The following CRNKL1 variants were observed in gnomAD, a reference collection of about 807,000 sequenced individuals.
The protein encoded by CRNKL1 is crooked neck pre-mRNA splicing factor 1, also known as crooked neck-like protein 1.
CRNKL1 carries 35 observed loss-of-function variants against 103.7 expected under a neutral mutation model. The ratio of observed to expected loss-of-function variants is 0.34; its 90% CI spans 0.26 to 0.45. The LOEUF (loss-of-function observed/expected upper bound fraction) is 0.45. CRNKL1 is among the 20% of genes least tolerant of loss of function. CRNKL1 has a pLI of 1.00. For synonymous variants in CRNKL1, 267 were observed against 282.6 expected, an observed-to-expected ratio of 0.94 and a Z score of 0.55; for missense variants, 645 against 836.0, an observed-to-expected ratio of 0.77 and a Z score of 2.82.
At position 20,052,425 on chromosome 20, in the gene CRNKL1, C is replaced by G. The variant is rs759595000; in HGVS notation, c.-83G>C. 2 of 1,614,248 alleles carry G rather than the reference C, an allele frequency of 1.2e-6. No individual in the cohort carries two copies. The highest frequency in any genetic ancestry group is 2.2e-5 in the East Asian group (1 of 44,884). ...CTGAGAGCTCACCGAAACCACAAAG[C>G]TTTCAGAAAACAAACAGGATCTCGG... is the stretch of plus-strand genomic sequence containing the variant. On this transcript the variant is annotated 5_prime_UTR_variant, in exon 1 of 14. Transcript: ENST00000536226.
chr20:20,040,852 C>A, intron 9 of CRNKL1, 86 bp from the exon 10 acceptor site: 1 of 931,018 alleles, frequency 1.1e-6, no homozygotes. Flanking sequence ...TAACCAAAGC[C>A]ATTGGTAATT....
At chr20:20,052,666 G>A (rs529488737), upstream of CRNKL1, 11 of 1,613,250 alleles carry the variant, frequency 6.8e-6, no homozygotes, top group African/African-American at 8.0e-5. Flanking sequence ...CCCCAGGTCA[G>A]CCTCCGGAAC....
chr20:20,054,448 C>A (rs960363082), upstream of CRNKL1, among the ~76,000 whole-genome samples: 1 of 152,034 alleles, frequency 6.6e-6, no homozygotes, highest in African/African-American at 2.4e-5. Flanking sequence ...TACACACACA[C>A]ATTTTACATT....
At chr20:20,052,597 TAAC>T (rs2043810832), upstream of CRNKL1, 1 of 1,613,700 alleles carries the variant, frequency 6.2e-7, no homozygotes, top group Admixed American at 1.7e-5. Context: ...ATGAGGTGGG[TAAC>T]GCCGTGCTGA....
Position 20,040,732 on chromosome 20 carries a change from T to C in CRNKL1, c.1259A>G (p.Gln420Arg). ...TFAKMWILYA[Q>R]FEIRQKNLSL... is the part of the protein sequence containing the mutation. ...CAGATTCTTCTGTCGTATTTCAAAC[T>C]GTGCATACAGTATCCACATTTTGGC... The change falls in exon 10 of 14, where the codon CAG becomes CGG. Residue 420 changes from glutamine to arginine, a missense_variant. Gln to Arg is a conservative substitution (Grantham distance 43). Around this residue, in one of 2 missense-constraint regions of CRNKL1, gnomAD observed 582 missense variants for 707.7 expected, o/e 0.82. Coordinates refer to ENST00000536226, the MANE Select transcript of CRNKL1 (RefSeq NM_001278628.2). The C allele has an allele frequency of 3.1e-6, 5 of 1,612,238 alleles. No individual in the cohort carries two copies. Among genetic ancestry groups the C allele is most frequent in the Non-Finnish European group, 4.2e-6 (5 of 1,179,776 alleles).
chr20:20,051,333 T>G (rs1353497452), intron 1 of CRNKL1, among the ~76,000 whole-genome samples: 1 of 152,264 alleles, frequency 6.6e-6, no homozygotes, highest in East Asian at 1.9e-4. Flanking sequence ...AAATAAAATA[T>G]ATATTATCAA....
chr20:20,053,323 G>A (rs1260446236), upstream of CRNKL1, among the ~76,000 whole-genome samples: 1 of 152,106 alleles, frequency 6.6e-6, no homozygotes, highest in African/African-American at 2.4e-5. Flanking sequence ...ACAGCTTCCT[G>A]CTATCAATTA....
chr20:20,050,380 G>T, intron 2 of CRNKL1, 90 bp downstream of exon 2: 2 of 1,138,774 alleles, frequency 1.8e-6, no homozygotes, highest in Non-Finnish European at 1.3e-6. Context: ...ACCTCATCTT[G>T]CCCTACAGAA....
intron 8 of CRNKL1, 123 bp from the exon 9 acceptor site, chr20:20,041,748 T>C: frequency 2.9e-6 from 2 of 677,982 alleles, no homozygotes; most frequent in East Asian, 2.7e-5. Flanking sequence ...GTTTCACAAG[T>C]TGTTACTTGC....
intron 1 of CRNKL1, 93 bp downstream of exon 1, chr20:20,052,199 G>A: frequency 9.1e-7 from 1 of 1,092,952 alleles, no homozygotes; most frequent in South Asian, 1.5e-5. Flanking sequence ...CTTCTCCCCG[G>A]CGGGAACACT....
chr20:20,037,217 T>A (rs2043433829), intron 13 of CRNKL1, 106 bp downstream of exon 13: 1 of 1,366,142 alleles, frequency 7.3e-7, no homozygotes, highest in African/African-American at 1.5e-5. Context: ...GTGGTCTGCT[T>A]CCATTCTAAG....
At position 20,043,514 on chromosome 20, in the gene CRNKL1, A is replaced by C; in HGVS notation, c.950T>G (p.Phe317Cys). ...IEDIIVSKRR[F>C]QYEEEVKANP... ...CACCTTCACTTCTTCTTCGTACTGG[A>C]ATCTCCGTTTGCTCACAATGATATC... The change falls in exon 7 of 14, where the codon TTC becomes TGC. Residue 317 changes from phenylalanine (F) to cysteine (C), a missense_variant. Phe to Cys is a radical substitution (Grantham distance 205). Around this residue, in one of 2 missense-constraint regions of CRNKL1, gnomAD observed 582 missense variants for 707.7 expected, o/e 0.82. Coordinates refer to ENST00000536226, the MANE Select transcript of CRNKL1 (RefSeq NM_001278628.2). 6.2e-7 allele frequency: 1 copy of C among 1,613,954 alleles called. No homozygotes were observed. The highest frequency in any genetic ancestry group is 2.2e-5 in the East Asian group (1 of 44,870).
chr20:20,047,533 T>C (rs906879014), intron 5 of CRNKL1, among the ~76,000 whole-genome samples: 8 of 152,152 alleles, frequency 5.3e-5, no homozygotes, highest in African/African-American at 1.9e-4. Context: ...GCTTTTAGCA[T>C]TACAATAAAA....
chr20:20,045,512 G>A, intron 5 of CRNKL1, 26 bp from the exon 6 acceptor site: 2 of 1,561,738 alleles, frequency 1.3e-6, no homozygotes, highest in Admixed American at 1.8e-5. Flanking sequence ...GGAAATCCCA[G>A]GCAAAACAGC....
In CRNKL1 at chr20:20,043,645, C is replaced by T; in HGVS notation, c.819G>A (p.Val273=). 6.2e-7 allele frequency: 1 copy of T among 1,613,220 alleles called. No homozygotes were observed. The highest frequency in any genetic ancestry group is 1.1e-5 in the South Asian group (1 of 91,048). ...TTCTGTCCAGGGCATACTTGTAAATCACTCGTACCCTTTCAAACTAAATGC... is the reference window on the plus strand; with the variant it reads ...TTCTGTCCAGGGCATACTTGTAAATTACTCGTACCCTTTCAAACTAAATGC... ...ENQKEFERVR[V]IYKYALDRIS... The change falls in exon 7 of 14, where the codon GTG becomes GTA. Residue 273 remains valine, a synonymous_variant. Transcript: ENST00000536226.
chr20:20,038,664 G>GATTC, intron 11 of CRNKL1: 2 of 433,048 alleles, frequency 4.6e-6, no homozygotes, highest in Non-Finnish European at 8.1e-6. Context: ...AAGGGCCTTG[G>GATTC]ATTCAGTCTT....
rs755617604 is a variant in CRNKL1, at chr20:20,037,583, G to A, written c.1648-12C>T. 6.8e-6 allele frequency: 11 copies of A among 1,607,864 alleles called. No individual in the cohort carries two copies. The highest frequency in any genetic ancestry group is 8.5e-6 in the Non-Finnish European group (10 of 1,178,132). On this transcript the variant is annotated splice_polypyrimidine_tract_variant and intron_variant, in intron 12 of 13. Coordinates refer to ENST00000536226, the MANE Select transcript of CRNKL1 (RefSeq NM_001278628.2). ...AAGCTGATCCATACCTTTAAAAAAA[G>A]TTATTATTGAACCAAATTAACCATA...
At chr20:20,055,988 C>T (rs75589135), upstream of CRNKL1, 87 of 1,610,510 alleles carry the variant, frequency 5.4e-5, no homozygotes, top group Admixed American at 2.9e-4. Context: ...CCTTCTGGAA[C>T]GTTAGGTTCT....
chr20:20,039,943 G>T, intron 10 of CRNKL1, 95 bp from the exon 11 acceptor site: 1 of 1,314,482 alleles, frequency 7.6e-7, no homozygotes. Flanking sequence ...TGCTGAGGAA[G>T]AATCTTGCAA....
Sources: allele counts gnomAD v4.1 joint callset (sites outside exome capture counted in the v4.1 genomes callset), GRCh38; gene constraint gnomAD v4.1.1; regional missense constraint gnomAD v4.1.1; transcripts MANE v1.5; gene names NCBI Gene and HGNC (gene_info 2026-07-23, HGNC 2026-07-21).